GALNS: variants seen among roughly 807,000 people sequenced by gnomAD.
The protein encoded by GALNS is galactosamine (N-acetyl)-6-sulfatase.
GALNS carries 65 observed loss-of-function variants against 65.9 expected under a neutral mutation model. The ratio of observed to expected loss-of-function variants is 0.99; its 90% CI spans 0.81 to 1.21. The LOEUF (loss-of-function observed/expected upper bound fraction) is 1.21. GALNS is among the 50% of genes most tolerant of loss of function. The pLI is 0.00. For synonymous variants in GALNS, 346 were observed against 288.9 expected (o/e 1.20, Z -2.00); for missense variants, 776 against 700.7 (o/e 1.11, Z -1.21).
At chr16:88,825,181 G>A (rs1237555866) in intron 10 of GALNS, among the ~76,000 whole-genome samples, 2 of 140,058 alleles carry the variant, frequency 1.4e-5, no homozygotes, top group Non-Finnish European at 3.1e-5. Flanking sequence ...CCGGGGCTGG[G>A]GTGACTGGGT....
chr16:88,816,160 T>TG lies in GALNS; in HGVS notation c.1483-1636dup, dbSNP rs1213642598. Reference sequence around the variant, plus strand: ...CCTGCAGAGAGCACAGGTGTGGCGGTGGGGGCAGTTCCCCCAGTGCCCAGG... The same window carrying TG: ...CCTGCAGAGAGCACAGGTGTGGCGGTGGGGGGCAGTTCCCCCAGTGCCCAGG... On this transcript the variant is annotated intron_variant, in intron 13 of 13. Transcript: ENST00000268695. 8.1e-6 allele frequency: 8 copies of TG among 985,228 alleles called. No homozygotes were observed. The African/African-American group carries it at 8.7e-5, about 11-fold the overall frequency. The allele number at this position is 985,228 out of a possible 1,614,324, so 61.0% of individuals were successfully genotyped here.
intron 1 of GALNS, among the ~76,000 whole-genome samples, chr16:88,853,632 G>A (rs1967612970): frequency 6.6e-6 from 1 of 152,212 alleles, no homozygotes; most frequent in South Asian, 2.1e-4. Flanking sequence ...GCTGTGTGTG[G>A]GCCAGAGTGG....
intron 9 of GALNS, among the ~76,000 whole-genome samples, chr16:88,830,741 G>A (rs544782563): frequency 6.6e-6 from 1 of 152,284 alleles, no homozygotes; most frequent in South Asian, 2.1e-4. Flanking sequence ...AGATGGCAGG[G>A]CGCACCCTCG....
intron 5 of GALNS, 48 bp downstream of exon 5, chr16:88,837,574 G>A (rs1369064708): frequency 6.3e-7 from 1 of 1,599,878 alleles, no homozygotes; most frequent in African/African-American, 1.3e-5. Context: ...AGGCACGCCG[G>A]GCACAGCAGT....
Position 88,814,305 on chromosome 16 carries a change from T to G in GALNS, c.*134A>C, listed in dbSNP as rs1909404609. The G allele has an allele frequency of 1.7e-6, 2 of 1,173,540 alleles. No homozygotes were observed. The allele number at this position is 1,173,540 out of a possible 1,614,324, so 72.7% of individuals were successfully genotyped here. The stretch of plus-strand genomic sequence containing the variant: ...GTCCTGGGCAGGTGGAATTGTGCAG[T>G]CCCCCTGCGTCTGCAGGTGCTGTCT... On this transcript the variant is annotated 3_prime_UTR_variant, in exon 14 of 14. Coordinates refer to ENST00000268695, the MANE Select transcript of GALNS (RefSeq NM_000512.5).
At chr16:88,845,826 T>TAA (rs771068463) in intron 1 of GALNS, among the ~76,000 whole-genome samples, 1 of 124,522 alleles carries the variant, frequency 8.0e-6, no homozygotes, top group African/African-American at 3.0e-5. Context: ...ACTCCAACTC[T>TAA]AAAAAAAAAA....
intron 13 of GALNS, chr16:88,815,096 G>A (rs1384405310): frequency 2.0e-6 from 2 of 985,322 alleles, no homozygotes; most frequent in Admixed American, 6.1e-5. Flanking sequence ...TGGCCTCAGT[G>A]TGGGGACCAC....
chr16:88,829,388 CACA>C (rs1166456939), intron 9 of GALNS, among the ~76,000 whole-genome samples: 1 of 152,240 alleles, frequency 6.6e-6, no homozygotes, highest in Non-Finnish European at 1.5e-5. Context: ...GCTTCTCCTG[CACA>C]ACAAGGCGGT....
At chr16:88,825,912 C>T (rs1443812591) in intron 10 of GALNS, among the ~76,000 whole-genome samples, 1 of 152,210 alleles carries the variant, frequency 6.6e-6, no homozygotes, top group Non-Finnish European at 1.5e-5. Flanking sequence ...CCTTGCTTCC[C>T]GTTGAGCCTT....
chr16:88,822,509 GCT>G, intron 12 of GALNS, 78 bp downstream of exon 12: 2 of 1,577,364 alleles, frequency 1.3e-6, no homozygotes, highest in Non-Finnish European at 1.7e-6. Context: ...GGTGCAGAGG[GCT>G]CTGTCCCTGT....
intron 12 of GALNS, among the ~76,000 whole-genome samples, chr16:88,820,587 T>C (rs1910103645): frequency 6.6e-6 from 1 of 152,228 alleles, no homozygotes; most frequent in Non-Finnish European, 1.5e-5. Context: ...TGACCCCCTC[T>C]GGGAAGCTCT....
intron 11 of GALNS, among the ~76,000 whole-genome samples, chr16:88,823,873 G>A (rs111316878): frequency 0.048 from 7,221 of 151,454 alleles, 558 homozygotes; most frequent in African/African-American, 0.17. Context: ...GCCGGGGACC[G>A]ATGCCCAGGA....
intron 1 of GALNS, chr16:88,855,212 G>C (rs772928819): frequency 2.3e-5 from 16 of 694,660 alleles, no homozygotes; most frequent in South Asian, 2.1e-4. Flanking sequence ...TTATTCATGA[G>C]CTGCCCCGCC....
chr16:88,850,011 C>T (rs796831870), intron 1 of GALNS, among the ~76,000 whole-genome samples: 1 of 152,322 alleles, frequency 6.6e-6, no homozygotes, highest in African/African-American at 2.4e-5. Flanking sequence ...CTCCCTGAGG[C>T]CAGCCTGAGG....
At position 88,818,112 on chromosome 16, in the gene GALNS, G is replaced by A. The variant is rs757704061; in HGVS notation, c.1377C>T (p.Ala459=). Residue 459 remains alanine (A), a synonymous_variant, in exon 13 of 14, where the codon GCC becomes GCT. Coordinates refer to ENST00000268695, the MANE Select transcript of GALNS (RefSeq NM_000512.5). The part of the protein sequence containing the change: ...GERFPLSFAS[A]EYQEALSRIT... ...TCCTGCTGAGGGCCTCCTGGTACTC[G>A]GCGCTGGCAAAGCTGGGGACAGAGA... 2.5e-5 allele frequency: 40 copies of A among 1,572,746 alleles called. No individual in the cohort carries two copies. Among genetic ancestry groups the A allele is most frequent in the Admixed American group, 9.2e-5 (5 of 54,540 alleles).
Position 88,824,889 on chromosome 16 carries a change from G to A in GALNS, c.1140-20C>T, listed in dbSNP as rs372251092. On this transcript the variant is annotated intron_variant, in intron 10 of 13. Transcript: ENST00000268695. Reference sequence around the variant, plus strand: ...ATAGGCCTGTGGGATGGGAGGGGAGGACCATGTAATGACAGGAAGGACACG... The same window carrying A: ...ATAGGCCTGTGGGATGGGAGGGGAGAACCATGTAATGACAGGAAGGACACG... 3 of 1,602,118 alleles carry A rather than the reference G, an allele frequency of 1.9e-6. No homozygotes were observed. Among genetic ancestry groups the A allele is most frequent in the African/African-American group, 1.3e-5 (1 of 74,688 alleles).
intron 1 of GALNS, among the ~76,000 whole-genome samples, chr16:88,854,352 C>T (rs566018670): frequency 2.0e-5 from 3 of 152,192 alleles, no homozygotes; most frequent in Non-Finnish European, 4.4e-5. Flanking sequence ...TGTGAGGACC[C>T]CCTTGCACCC....
Position 88,822,577 on chromosome 16 carries a change from G to A in GALNS, c.1364+12C>T, listed in dbSNP as rs769510297. 1.9e-6 allele frequency: 3 copies of A among 1,612,162 alleles called. No homozygotes were observed. The highest frequency in any genetic ancestry group is 1.3e-5 in the African/African-American group (1 of 74,908). Reference sequence around the variant, plus strand: ...ACTGCCTCAGCAGCCAGGAGGCCCTGCACCGACTCACCTGAGGGGGAACCT... The same window carrying A: ...ACTGCCTCAGCAGCCAGGAGGCCCTACACCGACTCACCTGAGGGGGAACCT... On this transcript the variant is annotated intron_variant, in intron 12 of 13. Coordinates refer to ENST00000268695, the MANE Select transcript of GALNS (RefSeq NM_000512.5).
At position 88,835,405 on chromosome 16, in the gene GALNS, G is replaced by A. The variant is rs1912017712; in HGVS notation, c.759-53C>T. 10 of 1,607,608 alleles carry A rather than the reference G, an allele frequency of 6.2e-6. No homozygotes were observed. The South Asian group carries it at 1.1e-4, about 18-fold the overall frequency. ...CATACCTGGAGGATGGTGACAAATG[G>A]ATCAGGCAGCCAACGGCATACTGTG... On this transcript the variant is annotated intron_variant, in intron 7 of 13. Transcript: ENST00000268695.
Sources: gnomAD v4.1 joint callset for allele counts (sites outside exome capture counted in the v4.1 genomes callset) on GRCh38, gnomAD v4.1.1 for gene constraint, MANE v1.5 for transcripts, NCBI Gene and HGNC (gene_info 2026-07-23, HGNC 2026-07-21) for gene names.